The following ZDHHC20 variants were observed in gnomAD, a reference collection of about 807,000 sequenced individuals.
ZDHHC20 encodes the protein zDHHC palmitoyltransferase 20.
ZDHHC20 carries 43 observed loss-of-function variants against 57.8 expected under a neutral mutation model. That is an observed-to-expected ratio of 0.74 (90% confidence interval 0.58 to 0.96). The LOEUF (loss-of-function observed/expected upper bound fraction) is 0.96, where lower values mean the gene tolerates loss of function less well. Ranked by LOEUF, ZDHHC20 falls within the 40% of genes least tolerant of loss-of-function variation. The probability of loss-of-function intolerance (pLI) is 0.00; values close to 1 mark genes in which losing one functional copy is unlikely to be tolerated. For synonymous variants in ZDHHC20, 157 were observed against 153.0 expected (o/e 1.03, Z -0.19); for missense variants, 391 against 441.1 (o/e 0.89, Z 1.02).
At chr13:21,390,916 AAAG>A (rs1875583552) in intron 8 of ZDHHC20, among the ~76,000 whole-genome samples, 1 of 152,130 alleles carries the variant, frequency 6.6e-6, no homozygotes, top group African/African-American at 2.4e-5. Flanking sequence ...GAAAAAAAAA[AAAG>A]AATATACATG....
intron 1 of ZDHHC20, among the ~76,000 whole-genome samples, chr13:21,427,631 C>T (rs978931264): frequency 1.3e-5 from 2 of 151,912 alleles, no homozygotes; most frequent in African/African-American, 4.8e-5. Context: ...GTCAGGAATT[C>T]GAGACCAGCC....
intron 8 of ZDHHC20, among the ~76,000 whole-genome samples, chr13:21,389,568 C>T (rs541741157): frequency 8.0e-4 from 121 of 151,978 alleles, no homozygotes; most frequent in African/African-American, 2.7e-3. Flanking sequence ...CTGTGGCCAC[C>T]GGCAAAAAAA....
intron 1 of ZDHHC20, among the ~76,000 whole-genome samples, chr13:21,450,522 T>C (rs1174863866): frequency 6.6e-6 from 1 of 152,140 alleles, no homozygotes; most frequent in Non-Finnish European, 1.5e-5. Context: ...CAGACCAGTA[T>C]GCTATCTGGT....
intron 1 of ZDHHC20, among the ~76,000 whole-genome samples, chr13:21,440,028 T>C (rs538932239): frequency 1.0e-4 from 13 of 129,688 alleles, no homozygotes; most frequent in Non-Finnish European, 1.5e-4. Flanking sequence ...GATCGCGCCA[T>C]GGCACTCCAG....
At chr13:21,422,473 T>C (rs150734366) in intron 2 of ZDHHC20, among the ~76,000 whole-genome samples, 15 of 152,280 alleles carry the variant, frequency 9.9e-5, no homozygotes, top group Admixed American at 2.0e-4. Flanking sequence ...TGAAATTGTA[T>C]TGGGTTCATG....
chr13:21,437,244 T>C (rs1882648051), intron 1 of ZDHHC20, among the ~76,000 whole-genome samples: 1 of 152,180 alleles, frequency 6.6e-6, no homozygotes, highest in Non-Finnish European at 1.5e-5. Flanking sequence ...GCCATCTCCA[T>C]AACACAAAAG....
intron 4 of ZDHHC20, among the ~76,000 whole-genome samples, chr13:21,406,436 C>T (rs1000054998): frequency 6.6e-6 from 1 of 152,104 alleles, no homozygotes; most frequent in Admixed American, 6.6e-5. Flanking sequence ...GTAGAACATA[C>T]AGGTTTGTTA....
chr13:21,373,979 A>G lies in ZDHHC20; in HGVS notation c.*2717T>C, dbSNP rs538600112. The stretch of plus-strand genomic sequence containing the variant: ...TTTCTGAAAAGATGTTTGCTGTGCT[A>G]TTAAAGATGTTAAATAACAAAAATT... On this transcript the variant is annotated 3_prime_UTR_variant, in exon 13 of 13. Coordinates refer to ENST00000400590, the MANE Select transcript of ZDHHC20 (RefSeq NM_001330059.2). 2 of 152,542 alleles carry G rather than the reference A, an allele frequency of 1.3e-5. No individual in the cohort carries two copies. The highest frequency in any genetic ancestry group is 1.9e-4 in the East Asian group (1 of 5,198). 9.4% of individuals were successfully genotyped at this position (152,542 alleles called of 1,614,324 possible).
chr13:21,445,917 G>A lies in ZDHHC20; in HGVS notation c.118+13137C>T, dbSNP rs186370192. On this transcript the variant is annotated intron_variant, in intron 1 of 12. Coordinates refer to ENST00000400590, the MANE Select transcript of ZDHHC20 (RefSeq NM_001330059.2). ...TCTGATAGGTGACTACCTGAACAGC[G>A]ATCTAGACGAAGTGAGAGCTAGCCA... 6.6e-5 allele frequency among the ~76,000 whole-genome samples: 10 copies of A among 152,304 alleles called. No homozygotes were observed. In the East Asian group the frequency reaches 9.7e-4, roughly 15 times the overall value.
At chr13:21,444,227 G>A (rs1883459633) in intron 1 of ZDHHC20, among the ~76,000 whole-genome samples, 1 of 152,128 alleles carries the variant, frequency 6.6e-6, no homozygotes, top group South Asian at 2.1e-4. Flanking sequence ...CTGGTTTCAC[G>A]TTAAGGCTTT....
At position 21,376,721 on chromosome 13, in the gene ZDHHC20, TG is replaced by T. The variant is rs1455500026; in HGVS notation, c.*41-67del. On this transcript the variant is annotated intron_variant, in intron 12 of 12. Transcript: ENST00000400590. Reference sequence around the variant, plus strand: ...TTTATTTCTGAAAATATTTACTAAATGGTTCTGTGGGCTAAGGTACAAAGCT... The same window carrying T: ...TTTATTTCTGAAAATATTTACTAAATGTTCTGTGGGCTAAGGTACAAAGCT... 1.5e-5 allele frequency: 16 copies of T among 1,067,572 alleles called. No homozygotes were observed. The African/African-American group carries it at 2.6e-4, about 17-fold the overall frequency. The allele number at this position is 1,067,572 out of a possible 1,614,324, so 66.1% of individuals were successfully genotyped here. A position where few individuals can be genotyped will look rare whatever the true frequency, so the allele number is the denominator to read the frequency against.
At chr13:21,392,732 G>A (rs1225498894) in intron 7 of ZDHHC20, among the ~76,000 whole-genome samples, 1 of 152,160 alleles carries the variant, frequency 6.6e-6, no homozygotes, top group African/African-American at 2.4e-5. Flanking sequence ...ACACGAGGCT[G>A]TTCTGCTTGA....
At chr13:21,411,629 G>A (rs1199685809) in intron 4 of ZDHHC20, among the ~76,000 whole-genome samples, 1 of 152,066 alleles carries the variant, frequency 6.6e-6, no homozygotes, top group African/African-American at 2.4e-5. Flanking sequence ...CTCTGAGATG[G>A]GATTAAACCA....
intron 3 of ZDHHC20, 39 bp from the exon 4 acceptor site, chr13:21,413,811 C>A: frequency 6.5e-7 from 1 of 1,548,504 alleles, no homozygotes; most frequent in South Asian, 1.2e-5. Flanking sequence ...TTTTTAATCC[C>A]ATGATGTTAA....
chr13:21,449,888 T>A (rs534268202), intron 1 of ZDHHC20, among the ~76,000 whole-genome samples: 17 of 152,208 alleles, frequency 1.1e-4, no homozygotes, highest in African/African-American at 3.9e-4. Flanking sequence ...CACCTCGGCC[T>A]CCCAAAATGC....
In ZDHHC20 at chr13:21,381,479, AT is replaced by A. The variant is rs1566061636; in HGVS notation, c.1014del (p.Glu338AspfsTer22). The A allele has an allele frequency of 1.2e-6, 2 of 1,613,910 alleles. No homozygotes were observed. Among genetic ancestry groups the A allele is most frequent in the Non-Finnish European group, 1.7e-6 (2 of 1,179,874 alleles). On this transcript the variant is annotated frameshift_variant, in exon 11 of 13. Coordinates refer to ENST00000400590, the MANE Select transcript of ZDHHC20 (RefSeq NM_001330059.2). LOFTEE classifies it high-confidence loss of function. Reference protein sequence around the residue: ...SESKNRLLDSESQWLENGAEE... With the variant: ...SESKNRLLDSXSQWLENGAEE... The stretch of plus-strand genomic sequence containing the variant: ...TCAGCTCCATTCTCCAGCCACTGAG[AT>A]TCACTGTCCAACAAGCGGTTTTTTG...
At chr13:21,457,621 C>T (rs537989556) in intron 1 of ZDHHC20, among the ~76,000 whole-genome samples, 7 of 152,230 alleles carry the variant, frequency 4.6e-5, no homozygotes, top group Admixed American at 3.3e-4. Context: ...CAGGGATAGT[C>T]GTCCCAAAAT....
intron 1 of ZDHHC20, among the ~76,000 whole-genome samples, chr13:21,450,055 A>G (rs1474901020): frequency 6.6e-6 from 1 of 152,158 alleles, no homozygotes; most frequent in Non-Finnish European, 1.5e-5. Context: ...ACATTTAATG[A>G]CAGAACAAGC....
Position 21,431,537 on chromosome 13 carries a change from C to T in ZDHHC20, c.119-5859G>A, listed in dbSNP as rs149979494. Reference sequence around the variant, plus strand: ...AATGTTAAATATGTGCTTAACTTTACCAGTAACAGCCAAACTGTTTTCAAA... The same window carrying T: ...AATGTTAAATATGTGCTTAACTTTATCAGTAACAGCCAAACTGTTTTCAAA... On this transcript the variant is annotated intron_variant, in intron 1 of 12. Transcript: ENST00000400590. Among the ~76,000 whole-genome samples, 5 of 152,266 alleles carry T rather than the reference C, an allele frequency of 3.3e-5. No individual in the cohort carries two copies. The East Asian group carries it at 9.6e-4, about 29-fold the overall frequency.
Sources: allele counts gnomAD v4.1 joint callset (sites outside exome capture counted in the v4.1 genomes callset), GRCh38; gene constraint gnomAD v4.1.1; transcripts MANE v1.5; gene names NCBI Gene and HGNC (gene_info 2026-07-23, HGNC 2026-07-21).